The following ZNF98 variants were observed in gnomAD, a reference collection of about 807,000 sequenced individuals.
ZNF98 encodes the protein zinc finger protein 739.
Under a neutral mutation model 12.8 loss-of-function variants are expected in ZNF98, and 8 were observed. That is an observed-to-expected ratio of 0.63 (90% CI 0.37 to 1.13). ZNF98 has a LOEUF of 1.13. ZNF98 is among the 50% of genes most tolerant of loss of function. The probability of loss-of-function intolerance (pLI) is 0.01; values close to 1 mark genes in which losing one functional copy is unlikely to be tolerated. For missense variants in ZNF98, 379 were observed against 666.1 expected (o/e 0.57, Z 4.74); for synonymous variants, 112 against 223.5 (o/e 0.50, Z 4.45).
chr19:22,401,847 T>C (rs1353929437), intron 3 of ZNF98, among the ~76,000 whole-genome samples: 1 of 151,458 alleles, frequency 6.6e-6, no homozygotes, highest in Admixed American at 6.6e-5. Flanking sequence ...AAATTCCCTA[T>C]CAAAATTCCA....
chr19:22,398,621 C>G (rs1264185424), intron 3 of ZNF98, among the ~76,000 whole-genome samples: 1 of 151,994 alleles, frequency 6.6e-6, no homozygotes, highest in Admixed American at 6.6e-5. Flanking sequence ...TCCCAAAATC[C>G]GGGGATTACA....
At chr19:22,398,991 A>C (rs1969427978) in intron 3 of ZNF98, among the ~76,000 whole-genome samples, 1 of 152,228 alleles carries the variant, frequency 6.6e-6, no homozygotes, top group African/African-American at 2.4e-5. Context: ...AATAGAGATA[A>C]GGCTGATTTA....
intron 3 of ZNF98, among the ~76,000 whole-genome samples, chr19:22,395,095 C>T (rs146730905): frequency 0.021 from 3,047 of 148,410 alleles, 46 homozygotes; most frequent in Non-Finnish European, 0.03. Context: ...TCACTTGAAC[C>T]GGAGAAGTGG....
chr19:22,401,092 T>A (rs1275843206), intron 3 of ZNF98, among the ~76,000 whole-genome samples: 2 of 146,480 alleles, frequency 1.4e-5, no homozygotes, highest in Non-Finnish European at 3.0e-5. Context: ...ACTGGAAGTA[T>A]GTGGAATAAG....
intron 2 of ZNF98, 78 bp from the exon 3 acceptor site, chr19:22,402,962 G>A: frequency 7.3e-7 from 1 of 1,378,170 alleles, no homozygotes. Context: ...TAAAAAGGAT[G>A]TAATAGAATA....
At chr19:22,407,041 T>C (rs1289122793) in intron 1 of ZNF98, among the ~76,000 whole-genome samples, 1 of 151,620 alleles carries the variant, frequency 6.6e-6, no homozygotes, top group Admixed American at 6.6e-5. Context: ...TGATAAAAAG[T>C]TAGAGAGAGG....
At chr19:22,402,182 A>G (rs1969466525) in intron 3 of ZNF98, among the ~76,000 whole-genome samples, 1 of 149,966 alleles carries the variant, frequency 6.7e-6, no homozygotes, top group African/African-American at 2.4e-5. Flanking sequence ...TCTCAAAAAA[A>G]AAAAAAAAAA....
chr19:22,415,833 G>T (rs752957880), intron 1 of ZNF98, among the ~76,000 whole-genome samples: 13 of 149,668 alleles, frequency 8.7e-5, no homozygotes, highest in Non-Finnish European at 4.4e-5. Flanking sequence ...AGTGGCTCAC[G>T]CCTGTAATCC....
chr19:22,417,826 A>G (rs960118691), intron 1 of ZNF98, among the ~76,000 whole-genome samples: 1 of 152,032 alleles, frequency 6.6e-6, no homozygotes, highest in Non-Finnish European at 1.5e-5. Flanking sequence ...TATGCTCGTG[A>G]GTGAGAGGGA....
chr19:22,412,260 A>G (rs1969588516), intron 1 of ZNF98, among the ~76,000 whole-genome samples: 1 of 152,208 alleles, frequency 6.6e-6, no homozygotes, highest in South Asian at 2.1e-4. Context: ...GTAATTCAAT[A>G]CAAAGAAAAT....
At chr19:22,409,913 C>CAAA (rs71180546) in intron 1 of ZNF98, among the ~76,000 whole-genome samples, 124 of 89,248 alleles carry the variant, frequency 1.4e-3, no homozygotes, top group African/African-American at 3.8e-3. Flanking sequence ...CTCTATCTCA[C>CAAA]AAAAAAAAAA....
At chr19:22,394,868 A>T (rs1442293409) in intron 3 of ZNF98, among the ~76,000 whole-genome samples, 3 of 152,196 alleles carry the variant, frequency 2.0e-5, no homozygotes, top group African/African-American at 7.2e-5. Flanking sequence ...GGAAACAATT[A>T]TAGCAAGTGA....
At position 22,392,552 on chromosome 19, in the gene ZNF98, T is replaced by C; in HGVS notation, c.683A>G (p.His228Arg). ...TTTCTTTCCAGTATGAATTCTTTTA[T>C]GTGTAGAAAGGTTTGAGGCCTCATT... ...AYNEASNLST[H>R]KRIHTGKKPY... The change falls in exon 4 of 4, where the codon CAT (histidine) becomes CGT (arginine). Residue 228 changes from histidine to arginine, a missense_variant. By Grantham distance (29) the His-to-Arg change is conservative. This residue lies in a region of ZNF98 where 223 missense variants were observed against 261.6 expected (regional missense o/e 0.85). Transcript: ENST00000357774. 3 of 1,611,758 alleles carry C rather than the reference T, an allele frequency of 1.9e-6. No individual in the cohort carries two copies. Among genetic ancestry groups the C allele is most frequent in the South Asian group, 1.1e-5 (1 of 90,938 alleles).
At chr19:22,420,056 G>A (rs1969687458) in intron 1 of ZNF98, among the ~76,000 whole-genome samples, 3 of 152,086 alleles carry the variant, frequency 2.0e-5, no homozygotes, top group Admixed American at 1.3e-4. Flanking sequence ...CCAGCTACTC[G>A]GGAGGCTGAG....
chr19:22,418,187 T>C (rs1969665353), intron 1 of ZNF98, among the ~76,000 whole-genome samples: 2 of 152,178 alleles, frequency 1.3e-5, no homozygotes, highest in African/African-American at 2.4e-5. Flanking sequence ...TAATTGCAGA[T>C]GCCAGTCACA....
At position 22,391,651 on chromosome 19, in the gene ZNF98, G is replaced by C; in HGVS notation, c.1584C>G (p.Asn528Lys). The C allele has an allele frequency of 1.9e-6, 3 of 1,613,868 alleles. No homozygotes were observed. Among genetic ancestry groups the C allele is most frequent in the Non-Finnish European group, 2.5e-6 (3 of 1,179,854 alleles). Reference sequence around the variant, plus strand: ...TATGTCTGTTAAGAATAGAGGAGTTGTTAAAGGCTTTGCCGCATTCTTCAC... The same window carrying C: ...TATGTCTGTTAAGAATAGAGGAGTTCTTAAAGGCTTTGCCGCATTCTTCAC... ...YKCEECGKAF[N>K]NSSILNRHKM... Residue 528 changes from asparagine (N) to lysine (K), a missense_variant, in exon 4 of 4, where the codon AAC becomes AAG. Around this residue, in one of 8 missense-constraint regions of ZNF98, gnomAD observed 59 missense variants for 50.3 expected, o/e 1.17. Transcript: ENST00000357774.
intron 3 of ZNF98, among the ~76,000 whole-genome samples, chr19:22,393,243 A>C (rs928232034): frequency 2.0e-5 from 3 of 152,218 alleles, no homozygotes; most frequent in Non-Finnish European, 4.4e-5. Context: ...TGTTACATTT[A>C]CCCAGTGCAG....
chr19:22,407,868 G>A lies in ZNF98; in HGVS notation c.31-4356C>T, dbSNP rs555709013. ...GCAGATCACGTGAGAACAGGAGTTC[G>A]AGACCAGCCTGACCAACATGGAGAA... On this transcript the variant is annotated intron_variant, in intron 1 of 3. Transcript: ENST00000357774. Among the ~76,000 whole-genome samples, 18 of 151,778 alleles carry A rather than the reference G, an allele frequency of 1.2e-4. No individual in the cohort carries two copies. In the South Asian group the frequency reaches 2.5e-3, roughly 21 times the overall value.
chr19:22,418,354 G>A (rs1468269402), intron 1 of ZNF98, among the ~76,000 whole-genome samples: 1 of 152,004 alleles, frequency 6.6e-6, no homozygotes, highest in East Asian at 1.9e-4. Context: ...ACCCCCAAAA[G>A]AGTCAAATGT....
Sources: gnomAD v4.1 joint callset for allele counts (sites outside exome capture counted in the v4.1 genomes callset) on GRCh38, gnomAD v4.1.1 for gene constraint, gnomAD v4.1.1 regional missense constraint, MANE v1.5 for transcripts, NCBI Gene and HGNC (gene_info 2026-07-23, HGNC 2026-07-21) for gene names.